The following PCSK5 variants were observed in gnomAD, a reference collection of about 807,000 sequenced individuals.
PCSK5 encodes proprotein convertase subtilisin/kexin type 5.
A neutral mutation model predicts 233.2 loss-of-function variants in PCSK5; 129 were observed. The ratio of observed to expected loss-of-function variants is 0.55; its 90% CI spans 0.48 to 0.64. The LOEUF (loss-of-function observed/expected upper bound fraction) is 0.64, where lower values mean the gene tolerates loss of function less well. Among genes scored for constraint, PCSK5 ranks in the 30% least tolerant of loss-of-function variants. The probability of loss-of-function intolerance (pLI) is 0.00; values close to 1 mark genes in which losing one functional copy is unlikely to be tolerated. For missense variants in PCSK5, 2,076 were observed against 2,430.1 expected (o/e 0.85, Z 3.06); for synonymous variants, 825 against 879.2 (o/e 0.94, Z 1.09).
intron 6 of PCSK5, among the ~76,000 whole-genome samples, chr9:76,069,025 G>C (rs1044504337): frequency 6.6e-6 from 1 of 152,028 alleles, no homozygotes; most frequent in Non-Finnish European, 1.5e-5. Context: ...CTAAGAAAAG[G>C]CTTTCTGAAA....
At chr9:76,006,113 T>TC (rs1279071206) in intron 3 of PCSK5, among the ~76,000 whole-genome samples, 1 of 151,998 alleles carries the variant, frequency 6.6e-6, no homozygotes, top group East Asian at 1.9e-4. Context: ...AAATGGCATC[T>TC]CTGTGTGTTT....
At position 76,351,553 on chromosome 9, in the gene PCSK5, AGAG is replaced by A. The variant is rs1247293493; in HGVS notation, c.5067+626_5067+628del. Among the ~76,000 whole-genome samples, 2 of 144,566 alleles carry A rather than the reference AGAG, an allele frequency of 1.4e-5. 1 individual carries two copies. The highest frequency in any genetic ancestry group is 5.0e-5 in the African/African-American group (2 of 40,240). The allele number at this position is 144,566 out of a possible 152,430, so 94.8% of individuals were successfully genotyped here. On this transcript the variant is annotated intron_variant, in intron 36 of 37. Coordinates refer to ENST00000674117, the MANE Select transcript of PCSK5 (RefSeq NM_001372043.1). ...GAAAGGAAGGAAAGAAAGAGAAAGA[AGAG>A]AGAGAGAGAAGGAAGGGAAGGGAGG...
intron 8 of PCSK5, among the ~76,000 whole-genome samples, chr9:76,104,004 T>C (rs1831875554): frequency 6.6e-6 from 1 of 152,222 alleles, no homozygotes; most frequent in Non-Finnish European, 1.5e-5. Context: ...GACTGTTGAA[T>C]GCAACTTGCC....
chr9:76,356,921 C>T (rs969368352), intron 37 of PCSK5, among the ~76,000 whole-genome samples: 26 of 152,286 alleles, frequency 1.7e-4, no homozygotes, highest in African/African-American at 6.0e-4. Flanking sequence ...AGAAGTTCAA[C>T]AAATATTTAT....
chr9:76,224,435 G>A (rs1383414067), intron 20 of PCSK5, among the ~76,000 whole-genome samples: 2 of 152,104 alleles, frequency 1.3e-5, no homozygotes, highest in African/African-American at 4.8e-5. Context: ...AAAAAGCCAA[G>A]GGAACTCAGA....
intron 15 of PCSK5, among the ~76,000 whole-genome samples, chr9:76,180,087 G>GTGTATATATATATATATA (rs543361179): frequency 2.3e-5 from 3 of 132,598 alleles, no homozygotes; most frequent in African/African-American, 5.8e-5. Context: ...GTGTGTGTGT[G>GTGTATATATATATATATA]TATATATATA....
chr9:76,163,425 G>A (rs1390883567), intron 12 of PCSK5, among the ~76,000 whole-genome samples: 1 of 152,238 alleles, frequency 6.6e-6, no homozygotes, highest in Admixed American at 6.5e-5. Flanking sequence ...GCAGCATTCA[G>A]AACTCCAGTC....
At chr9:76,023,702 A>C (rs1828297193) in intron 3 of PCSK5, 36 bp from the exon 4 acceptor site, 1 of 1,561,036 alleles carries the variant, frequency 6.4e-7, no homozygotes, top group African/African-American at 1.4e-5. Context: ...TTTCCTCACT[A>C]TTTAGTAATC....
chr9:76,008,688 CTGACCTCG>C (rs1436173775), intron 3 of PCSK5, among the ~76,000 whole-genome samples: 3 of 152,142 alleles, frequency 2.0e-5, no homozygotes, highest in African/African-American at 7.2e-5. Context: ...TCTCGATCTC[CTGACCTCG>C]TGATCCACCT....
chr9:75,994,396 CTTTCTTTTTTTTTTTTTTTTTTTTTTT>C lies in PCSK5; in HGVS notation c.411+8155_411+8181del, dbSNP rs1350953675. Among the ~76,000 whole-genome samples, 412 of 68,044 alleles carry C rather than the reference CTTTCTTTTTTTTTTTTTTTTTTTTTTT, an allele frequency of 6.1e-3. 16 individuals carry two copies. Among genetic ancestry groups the C allele is most frequent in the African/African-American group, 0.014 (258 of 18,468 alleles). The allele number at this position is 68,044 out of a possible 152,430, so 44.6% of individuals were successfully genotyped here. ...CCCAGTTTCTTTCTTTTCTTTCTTT[CTTTCTTTTTTTTTTTTTTTTTTTTTTT>C]TTTTTTTTTTTTTTTTTTTGAGATG... is the stretch of plus-strand genomic sequence containing the variant. On this transcript the variant is annotated intron_variant, in intron 3 of 37. Transcript: ENST00000674117.
rs776314082 is a variant in PCSK5, at chr9:76,354,122, C to A, written c.5157C>A (p.Asn1719Lys). Residue 1719 changes from asparagine (N) to lysine (K), a missense_variant, in exon 37 of 38, where the codon AAC (asparagine) becomes AAA (lysine). Asn to Lys is a moderately conservative substitution (Grantham distance 94). Coordinates refer to ENST00000674117, the MANE Select transcript of PCSK5 (RefSeq NM_001372043.1). ...AGAACTGCACCTTGTGCCCTGCCAA[C>A]CTGGTGCTGCACATGGACGACAGCC... ...GAKNCTLCPA[N>K]LVLHMDDSHC... 17 of 1,603,282 alleles carry A rather than the reference C, an allele frequency of 1.1e-5. No individual in the cohort carries two copies. In the African/African-American group the frequency reaches 2.0e-4, roughly 19 times the overall value.
At position 76,188,647 on chromosome 9, in the gene PCSK5, C is replaced by G; in HGVS notation, c.2352C>G (p.Pro784=). The stretch of plus-strand genomic sequence containing the variant: ...ATTTCAACGGCCAGGACTGCCAGCC[C>G]TGCCACCGCTTCTGCGCCACTTGTG... ...GRYFNGQDCQ[P]CHRFCATCAG... is the part of the protein sequence containing the mutation. The change falls in exon 18 of 38, where the codon CCC becomes CCG. Residue 784 remains proline, a synonymous_variant. Transcript: ENST00000674117. 3 of 1,613,724 alleles carry G rather than the reference C, an allele frequency of 1.9e-6. No homozygotes were observed. Among genetic ancestry groups the G allele is most frequent in the Non-Finnish European group, 2.5e-6 (3 of 1,179,646 alleles).
At chr9:75,902,041 C>CCCCA (rs1826059487) in intron 1 of PCSK5, among the ~76,000 whole-genome samples, 1 of 151,712 alleles carries the variant, frequency 6.6e-6, no homozygotes. Flanking sequence ...CATGGCAAAA[C>CCCCA]CCCATCTCTA....
Position 75,891,197 on chromosome 9 carries a change from C to T in PCSK5, c.16C>T (p.Arg6Cys). 4 of 1,481,756 alleles carry T rather than the reference C, an allele frequency of 2.7e-6. No homozygotes were observed. The highest frequency in any genetic ancestry group is 1.8e-6 in the Non-Finnish European group (2 of 1,124,708). 91.8% of individuals were successfully genotyped at this position (1,481,756 alleles called of 1,614,324 possible). Residue 6 changes from arginine (R) to cysteine (C), a missense_variant, in exon 1 of 38, where the codon CGC (arginine) becomes TGC (cysteine). Coordinates refer to ENST00000674117, the MANE Select transcript of PCSK5 (RefSeq NM_001372043.1). MGWGSRCCCPGRLDLL... is the reference protein window; with the variant it reads MGWGSCCCCPGRLDLL... ...CGCCGGGACCATGGGCTGGGGGAGC[C>T]GCTGCTGCTGCCCGGGACGTTTGGA...
intron 14 of PCSK5, among the ~76,000 whole-genome samples, chr9:76,176,935 G>C (rs1400812760): frequency 2.0e-5 from 3 of 152,166 alleles, no homozygotes; most frequent in African/African-American, 7.2e-5. Flanking sequence ...ACTCCTAGGA[G>C]CATTCAATCC....
chr9:76,116,125 T>C (rs1331221857), intron 9 of PCSK5, among the ~76,000 whole-genome samples: 1 of 152,072 alleles, frequency 6.6e-6, no homozygotes, highest in Non-Finnish European at 1.5e-5. Flanking sequence ...AAAATAAAAA[T>C]GACAGATTGA....
chr9:75,978,354 C>T (rs911338211), intron 2 of PCSK5, among the ~76,000 whole-genome samples: 2 of 152,206 alleles, frequency 1.3e-5, no homozygotes, highest in Non-Finnish European at 2.9e-5. Flanking sequence ...TTACTAAGTA[C>T]TTTGGGAGCT....
intron 22 of PCSK5, 118 bp from the exon 23 acceptor site, chr9:76,238,841 C>G: frequency 1.4e-6 from 1 of 697,018 alleles, no homozygotes; most frequent in Non-Finnish European, 2.5e-6. Context: ...ACCCCTCATC[C>G]ACTAGGAAAA....
At chr9:76,145,638 A>G (rs957036481) in intron 10 of PCSK5, among the ~76,000 whole-genome samples, 2 of 152,202 alleles carry the variant, frequency 1.3e-5, no homozygotes, top group Non-Finnish European at 2.9e-5. Context: ...CACCAGTTTC[A>G]TATCCCACAT....
Sources: allele counts gnomAD v4.1 joint callset (sites outside exome capture counted in the v4.1 genomes callset), GRCh38; gene constraint gnomAD v4.1.1; transcripts MANE v1.5; gene names NCBI Gene and HGNC (gene_info 2026-07-23, HGNC 2026-07-21).